PDE1C: variants seen among roughly 807,000 people sequenced by gnomAD.
The protein encoded by PDE1C is phosphodiesterase 1C.
A neutral mutation model predicts 93.1 loss-of-function variants in PDE1C; 62 were observed. That is an observed-to-expected ratio of 0.67 (90% CI 0.54 to 0.82). The LOEUF is 0.82. Among genes scored for constraint, PDE1C ranks in the 40% least tolerant of loss-of-function variants. PDE1C has a pLI of 0.00. For missense variants in PDE1C, 742 were observed against 884.6 expected, an observed-to-expected ratio of 0.84 and a Z score of 2.04; for synonymous variants, 325 against 310.1, an observed-to-expected ratio of 1.05 and a Z score of -0.50.
chr7:32,114,451 C>T (rs1322258589), intron 3 of PDE1C, among the ~76,000 whole-genome samples: 2 of 152,074 alleles, frequency 1.3e-5, no homozygotes, highest in African/African-American at 4.8e-5. Flanking sequence ...CCCTTCCTTA[C>T]ACCTTTGGAA....
chr7:32,188,610 T>A (rs775878136), intron 2 of PDE1C, among the ~76,000 whole-genome samples: 3 of 152,176 alleles, frequency 2.0e-5, no homozygotes, highest in Admixed American at 6.5e-5. Flanking sequence ...TCTGCTGCTA[T>A]CTTACCAGGG....
chr7:31,736,843 C>G, the PDE1C span, among the ~76,000 whole-genome samples: 2 of 152,026 alleles, frequency 1.3e-5, no homozygotes, highest in Admixed American at 1.3e-4. Context: ...GTGGGGAGGC[C>G]GAATCAAGTT....
At chr7:32,172,427 A>T (rs1802710810) in intron 2 of PDE1C, among the ~76,000 whole-genome samples, 1 of 152,166 alleles carries the variant, frequency 6.6e-6, no homozygotes, top group African/African-American at 2.4e-5. Flanking sequence ...CATGGCCACC[A>T]AACATATGAA....
chr7:31,853,878 ATTTTT>A (rs60293827), intron 7 of PDE1C, among the ~76,000 whole-genome samples: 5 of 124,530 alleles, frequency 4.0e-5, no homozygotes, highest in Admixed American at 8.1e-5. Flanking sequence ...ATGCCCAGCT[ATTTTT>A]TTTTTTTTTT....
chr7:31,808,988 C>T, intron 16 of PDE1C, 43 bp downstream of exon 16: 1 of 1,143,894 alleles, frequency 8.7e-7, no homozygotes, highest in Non-Finnish European at 1.3e-6. Flanking sequence ...TTACATTAAA[C>T]TGCACATTTT....
chr7:31,652,811 T>C, the PDE1C span: 2 of 1,613,016 alleles, frequency 1.2e-6, no homozygotes, highest in Non-Finnish European at 1.7e-6. Context: ...GAGAAAAGGA[T>C]GCAGATGTCT....
At chr7:31,922,767 G>C (rs10487739) in intron 2 of PDE1C, among the ~76,000 whole-genome samples, 7,951 of 152,218 alleles carry the variant, frequency 0.052, 315 homozygotes, top group African/African-American at 0.11. Flanking sequence ...CGTTCACTCA[G>C]TGGTTTATAA....
At chr7:32,063,696 T>C (rs1472026364) in intron 1 of PDE1C, among the ~76,000 whole-genome samples, 1 of 152,238 alleles carries the variant, frequency 6.6e-6, no homozygotes, top group Non-Finnish European at 1.5e-5. Context: ...ACATTAAGAA[T>C]GTATTTCAGA....
At chr7:31,666,387 T>C in the PDE1C span, among the ~76,000 whole-genome samples, 1 of 152,224 alleles carries the variant, frequency 6.6e-6, no homozygotes, top group Non-Finnish European at 1.5e-5. Flanking sequence ...AGATTTATTA[T>C]CTTGCTAGTT....
chr7:31,866,738 G>A (rs1210361782), intron 6 of PDE1C, among the ~76,000 whole-genome samples: 1 of 152,076 alleles, frequency 6.6e-6, no homozygotes, highest in African/African-American at 2.4e-5. Context: ...CTAAAGCAAG[G>A]AAGGAGAGAG....
chr7:31,679,784 C>T, the PDE1C span, among the ~76,000 whole-genome samples: 2 of 152,192 alleles, frequency 1.3e-5, no homozygotes, highest in African/African-American at 4.8e-5. Flanking sequence ...TCCAACAAGG[C>T]AGCCTTATAT....
chr7:32,176,219 C>T (rs1207533107), intron 2 of PDE1C, among the ~76,000 whole-genome samples: 1 of 151,986 alleles, frequency 6.6e-6, no homozygotes, highest in Non-Finnish European at 1.5e-5. Context: ...ATTGCTATGC[C>T]ACTGACTAAT....
chr7:32,173,463 A>C (rs1802781109), intron 2 of PDE1C, among the ~76,000 whole-genome samples: 1 of 151,526 alleles, frequency 6.6e-6, no homozygotes, highest in Non-Finnish European at 1.5e-5. Flanking sequence ...TATTCTGTAC[A>C]TGTATAGCAG....
chr7:32,063,463 G>A (rs1219153360), intron 1 of PDE1C, among the ~76,000 whole-genome samples: 2 of 152,194 alleles, frequency 1.3e-5, no homozygotes, highest in African/African-American at 4.8e-5. Flanking sequence ...TCTGCTGAGG[G>A]CTGCTTCCCA....
intron 14 of PDE1C, among the ~76,000 whole-genome samples, chr7:31,818,638 T>C (rs866299627): frequency 2.6e-5 from 4 of 152,158 alleles, no homozygotes; most frequent in Admixed American, 6.6e-5. Flanking sequence ...ATTTGACAAA[T>C]GTTAGTTTCC....
At chr7:32,084,107 A>G (rs929221785) in intron 3 of PDE1C, among the ~76,000 whole-genome samples, 10 of 152,264 alleles carry the variant, frequency 6.6e-5, no homozygotes, top group Admixed American at 5.9e-4. Flanking sequence ...CAGGAAACCC[A>G]TCTCACGTGC....
the PDE1C span, among the ~76,000 whole-genome samples, chr7:31,723,874 A>G: frequency 2.0e-5 from 3 of 152,136 alleles, no homozygotes; most frequent in Admixed American, 6.5e-5. Context: ...CATACACGCA[A>G]ATCCACATAT....
At chr7:32,081,324 A>G (rs887423007) in intron 3 of PDE1C, among the ~76,000 whole-genome samples, 5 of 152,246 alleles carry the variant, frequency 3.3e-5, no homozygotes, top group Admixed American at 6.5e-5. Flanking sequence ...GGCAGAGCCA[A>G]CAGAGACTTC....
At chr7:32,305,803 T>G (rs1812985619) in intron 1 of PDE1C, among the ~76,000 whole-genome samples, 1 of 152,218 alleles carries the variant, frequency 6.6e-6, no homozygotes, top group African/African-American at 2.4e-5. Context: ...GGTACCCTTC[T>G]CCAAGGTGGA....
Sources: allele counts gnomAD v4.1 joint callset (sites outside exome capture counted in the v4.1 genomes callset), GRCh38; gene constraint gnomAD v4.1.1; transcripts MANE v1.5; gene names NCBI Gene and HGNC (gene_info 2026-07-23, HGNC 2026-07-21).